The following TIAM1 variants were observed in gnomAD, a reference collection of about 807,000 sequenced individuals.
The protein encoded by TIAM1 is rho guanine nucleotide exchange factor TIAM1.
In TIAM1, 65 loss-of-function variants were observed where a neutral mutation model predicts 163.5. The ratio of observed to expected loss-of-function variants is 0.40; its 90% CI spans 0.33 to 0.49. TIAM1 has a LOEUF of 0.49. Among genes scored for constraint, TIAM1 ranks in the 20% least tolerant of loss-of-function variants. TIAM1 has a pLI of 0.77. For missense variants in TIAM1, 1,789 were observed against 2,044.7 expected (o/e 0.87, Z 2.41); for synonymous variants, 833 against 810.1 (o/e 1.03, Z -0.48).
intron 12 of TIAM1, among the ~76,000 whole-genome samples, chr21:31,197,379 C>CTTTTTTT (rs1258537968): frequency 7.0e-6 from 1 of 142,578 alleles, no homozygotes; most frequent in Non-Finnish European, 1.5e-5. Flanking sequence ...TTTCTTTTTT[C>CTTTTTTT]TTTTTTTTTT....
chr21:31,329,172 A>C (rs1300568668), intron 2 of TIAM1, among the ~76,000 whole-genome samples: 1 of 152,194 alleles, frequency 6.6e-6, no homozygotes, highest in African/African-American at 2.4e-5. Context: ...ACAAATACGC[A>C]GGGACAACAT....
At chr21:31,472,475 C>T (rs149855748) in intron 1 of TIAM1, among the ~76,000 whole-genome samples, 4,595 of 152,092 alleles carry the variant, frequency 0.03, 240 homozygotes, top group African/African-American at 0.1. Flanking sequence ...TTCAGTGAGC[C>T]GAGATCGTGC....
intron 14 of TIAM1, among the ~76,000 whole-genome samples, chr21:31,186,276 C>T (rs1407804514): frequency 6.6e-6 from 1 of 152,204 alleles, no homozygotes; most frequent in Non-Finnish European, 1.5e-5. Context: ...GCAGATTCTT[C>T]TATGAACGGA....
chr21:31,149,340 A>C (rs1291873309), intron 19 of TIAM1, among the ~76,000 whole-genome samples: 1 of 152,202 alleles, frequency 6.6e-6, no homozygotes, highest in Non-Finnish European at 1.5e-5. Flanking sequence ...AGCATCAAAA[A>C]TCGAAAATCC....
At chr21:31,526,307 T>C (rs909310353) in intron 1 of TIAM1, among the ~76,000 whole-genome samples, 1 of 152,168 alleles carries the variant, frequency 6.6e-6, no homozygotes, top group African/African-American at 2.4e-5. Context: ...GCAGCAAAAC[T>C]AAAAGAGGTC....
At position 31,217,572 on chromosome 21, in the gene TIAM1, C is replaced by T. The variant is rs1271024222; in HGVS notation, c.2123G>A (p.Gly708Glu). The change falls in exon 9 of 28, where the codon GGA (glycine) becomes GAA (glutamate). Residue 708 changes from glycine (G) to glutamate (E), a missense_variant. Physicochemically the swap from Gly to Glu is moderately conservative, Grantham distance 98 (BLOSUM62 -2). Coordinates refer to ENST00000541036, the MANE Select transcript of TIAM1 (RefSeq NM_001353694.2). ...ACCTACCTGATTGATGCTTGGCCGT[C>T]CCTGCTTCTTTTTGGAGGTAGTATC... ...GLDTTSKKKQ[G>E]RPSINQVFGE... 6.2e-7 allele frequency: 1 copy of T among 1,613,770 alleles called. No homozygotes were observed. Among genetic ancestry groups the T allele is most frequent in the African/African-American group, 1.3e-5 (1 of 74,898 alleles).
intron 2 of TIAM1, among the ~76,000 whole-genome samples, chr21:31,454,172 T>C (rs2044996560): frequency 1.3e-5 from 2 of 152,240 alleles, no homozygotes; most frequent in Admixed American, 1.3e-4. Flanking sequence ...CCTGCTAGAA[T>C]GCAAGCTCCA....
chr21:31,481,219 T>C (rs1203779298), intron 1 of TIAM1, among the ~76,000 whole-genome samples: 3 of 152,212 alleles, frequency 2.0e-5, no homozygotes, highest in African/African-American at 2.4e-5. Flanking sequence ...GTACAGGTCC[T>C]ATACACTCAA....
intron 6 of TIAM1, among the ~76,000 whole-genome samples, chr21:31,229,713 T>C (rs1391335713): frequency 6.6e-6 from 1 of 151,732 alleles, no homozygotes; most frequent in East Asian, 1.9e-4. Context: ...GCAGTAGCAG[T>C]GCAATCTCGG....
rs531942155 is a variant in TIAM1 at position 31,522,715 on chromosome 21, C to T, written c.-422+36212G>A. On this transcript the variant is annotated intron_variant, in intron 1 of 28. Coordinates refer to the TIAM1 transcript ENST00000286827. ...AATGTTCCACAACACTTGTAAGGCC[C>T]ATCTGTCCAACCGAAGCAGTCCTTT... is the stretch of plus-strand genomic sequence containing the variant. Among the ~76,000 whole-genome samples, 3 of 152,274 alleles carry T rather than the reference C, an allele frequency of 2.0e-5. No individual in the cohort carries two copies. In the South Asian group the frequency reaches 6.2e-4, roughly 32 times the overall value.
intron 2 of TIAM1, among the ~76,000 whole-genome samples, chr21:31,438,178 T>A (rs1487145611): frequency 7.9e-6 from 1 of 126,162 alleles, no homozygotes; most frequent in Non-Finnish European, 1.6e-5. Context: ...GTATTTGTGA[T>A]CTTTTTTTTT....
chr21:31,161,333 G>A (rs1043388194), intron 16 of TIAM1, among the ~76,000 whole-genome samples: 1 of 152,110 alleles, frequency 6.6e-6, no homozygotes, highest in Non-Finnish European at 1.5e-5. Flanking sequence ...ATGAGAAGCA[G>A]AGAAAAAAGT....
intron 2 of TIAM1, among the ~76,000 whole-genome samples, chr21:31,421,535 C>A (rs7276357): frequency 6.6e-6 from 1 of 152,044 alleles, no homozygotes; most frequent in African/African-American, 2.4e-5. Context: ...GAACGGCGCA[C>A]GCGAGGGATC....
chr21:31,355,524 C>CTTT (rs761519584), intron 2 of TIAM1, among the ~76,000 whole-genome samples: 4,099 of 133,428 alleles, frequency 0.031, 99 homozygotes, highest in Middle Eastern at 0.069. Flanking sequence ...TTTTTCTCTC[C>CTTT]TTTATTATTT....
At chr21:31,264,205 G>A (rs1318526258) in intron 4 of TIAM1, among the ~76,000 whole-genome samples, 1 of 151,994 alleles carries the variant, frequency 6.6e-6, no homozygotes, top group African/African-American at 2.4e-5. Flanking sequence ...TGAGATTTGG[G>A]CTTCTATTGA....
At chr21:31,181,568 GACAA>G (rs1404367728) in intron 15 of TIAM1, among the ~76,000 whole-genome samples, 1 of 151,770 alleles carries the variant, frequency 6.6e-6, no homozygotes, top group Non-Finnish European at 1.5e-5. Context: ...AAGTCCAAAA[GACAA>G]ACAGAGCTCT....
At chr21:31,387,195 CTTTTTTT>C (rs60592178) in intron 2 of TIAM1, among the ~76,000 whole-genome samples, 151 of 75,170 alleles carry the variant, frequency 2.0e-3, no homozygotes, top group South Asian at 7.8e-3. Context: ...AGCTTATTCT[CTTTTTTT>C]TTTTTTTTTT....
intron 1 of TIAM1, among the ~76,000 whole-genome samples, chr21:31,544,838 C>T (rs1440788351): frequency 6.6e-6 from 1 of 151,982 alleles, no homozygotes; most frequent in Admixed American, 6.6e-5. Flanking sequence ...ATGGTGAAAC[C>T]CCATCTCTAC....
chr21:31,344,498 C>A (rs1286373635), upstream of TIAM1, among the ~76,000 whole-genome samples: 3 of 152,164 alleles, frequency 2.0e-5, no homozygotes, highest in Non-Finnish European at 2.9e-5. Context: ...GGTCACCCTG[C>A]ACAAAGCGTG....
Sources: allele counts gnomAD v4.1 joint callset (sites outside exome capture counted in the v4.1 genomes callset), GRCh38; gene constraint gnomAD v4.1.1; transcripts MANE v1.5; gene names NCBI Gene and HGNC (gene_info 2026-07-23, HGNC 2026-07-21).